CERK: variants seen among roughly 807,000 people sequenced by gnomAD.
CERK encodes ceramide kinase.
In CERK, 39 loss-of-function variants were observed where a neutral mutation model predicts 63.4. That is an observed-to-expected ratio of 0.61 (90% CI 0.48 to 0.80). CERK has a LOEUF of 0.80. Ranked by LOEUF, CERK falls within the 30% of genes least tolerant of loss-of-function variation. CERK has a pLI of 0.00. For synonymous variants in CERK, 302 were observed against 280.0 expected, an observed-to-expected ratio of 1.08 and a Z score of -0.78; for missense variants, 670 against 714.1, an observed-to-expected ratio of 0.94 and a Z score of 0.70.
At position 46,693,409 on chromosome 22, in the gene CERK, CTG is replaced by C. The variant is rs779324448; in HGVS notation, c.1126+16_1126+17del. On this transcript the variant is annotated intron_variant, in intron 10 of 12. Coordinates refer to ENST00000216264, the MANE Select transcript of CERK (RefSeq NM_022766.6). Reference sequence around the variant, plus strand: ...AGCACACACAGTGACAACACTGAGCCTGTGTTTTAGGAATTACCCGCAGCTTC... The same window carrying C: ...AGCACACACAGTGACAACACTGAGCCTGTTTTAGGAATTACCCGCAGCTTC... 12 of 1,610,368 alleles carry C rather than the reference CTG, an allele frequency of 7.5e-6. No homozygotes were observed. Among genetic ancestry groups the C allele is most frequent in the Middle Eastern group, 3.3e-4 (2 of 6,058 alleles).
At chr22:46,726,931 C>T (rs1301687644) in intron 1 of CERK, among the ~76,000 whole-genome samples, 2 of 152,222 alleles carry the variant, frequency 1.3e-5, no homozygotes, top group African/African-American at 2.4e-5. Flanking sequence ...GCCTCCGCTG[C>T]GGCTGCTGCT....
At chr22:46,725,106 G>C (rs1013237948) in intron 1 of CERK, among the ~76,000 whole-genome samples, 2 of 151,848 alleles carry the variant, frequency 1.3e-5, no homozygotes, top group African/African-American at 2.4e-5. Context: ...GTGTTAAGCT[G>C]AGGACTCCAC....
chr22:46,734,067 CAT>C (rs59207182), intron 1 of CERK, among the ~76,000 whole-genome samples: 61,630 of 145,250 alleles, frequency 0.42, 13,924 homozygotes, highest in East Asian at 0.52. Context: ...TACATACATA[CAT>C]ATATATATAT....
In CERK at chr22:46,738,090, C is replaced by T; in HGVS notation, c.59G>A (p.Arg20His). 5.4e-6 allele frequency: 7 copies of T among 1,289,826 alleles called. No homozygotes were observed. Among genetic ancestry groups the T allele is most frequent in the South Asian group, 1.9e-5 (1 of 53,808 alleles). 79.9% of individuals were successfully genotyped at this position (1,289,826 alleles called of 1,614,324 possible). Reference protein sequence around the residue: ...LQSVLWVKQQRCAVSLEPARA... With the variant: ...LQSVLWVKQQHCAVSLEPARA... ...CGCGGGCTCCAGGCTCACGGCGCAGCGCTGCTGCTTCACCCACAGCACGGA... is the reference window on the plus strand; with the variant it reads ...CGCGGGCTCCAGGCTCACGGCGCAGTGCTGCTGCTTCACCCACAGCACGGA... The change falls in exon 1 of 13, where the codon CGC (arginine) becomes CAC (histidine). Residue 20 changes from arginine (R) to histidine (H), a missense_variant. Transcript: ENST00000216264.
At chr22:46,721,599 C>G (rs764330717) in intron 1 of CERK, among the ~76,000 whole-genome samples, 1 of 152,144 alleles carries the variant, frequency 6.6e-6, no homozygotes, top group Admixed American at 6.6e-5. Flanking sequence ...GCAGCAAATG[C>G]GGACCATTCC....
chr22:46,718,671 CTG>C (rs1261920803), intron 3 of CERK, among the ~76,000 whole-genome samples: 4 of 152,188 alleles, frequency 2.6e-5, no homozygotes, highest in African/African-American at 9.7e-5. Flanking sequence ...TTTTAATAAA[CTG>C]AAATTCACTT....
Position 46,738,249 on chromosome 22 carries a change from C to CA in CERK, c.-102_-101insT. ...AGTGGCCCGGGCGGCGGGCGGCGGG[C>CA]GGCGGGAGGCGGCGCTGCGTCACCC... On this transcript the variant is annotated 5_prime_UTR_variant, in exon 1 of 13. Coordinates refer to ENST00000216264, the MANE Select transcript of CERK (RefSeq NM_022766.6). 1 of 718,814 alleles carries CA rather than the reference C, an allele frequency of 1.4e-6. No homozygotes were observed. 44.5% of individuals were successfully genotyped at this position (718,814 alleles called of 1,614,324 possible). A position where few individuals can be genotyped will look rare whatever the true frequency, so the allele number is the denominator to read the frequency against.
In CERK at chr22:46,730,420, C is replaced by CA. The variant is rs563330280; in HGVS notation, c.142+7586dup. Among the ~76,000 whole-genome samples the CA allele has an allele frequency of 7.0e-3, 1,021 of 145,390 alleles. 5 individuals are homozygous for CA. The highest frequency in any genetic ancestry group is 0.017 in the Middle Eastern group (5 of 292). On this transcript the variant is annotated intron_variant, in intron 1 of 12. Coordinates refer to ENST00000216264, the MANE Select transcript of CERK (RefSeq NM_022766.6). ...TGGGTAACAGAGTGACAGTCTATCTCAAAAAAAAAAGAAGTTTTCAGGAAA... is the reference window on the plus strand; with the variant it reads ...TGGGTAACAGAGTGACAGTCTATCTCAAAAAAAAAAAGAAGTTTTCAGGAAA...
chr22:46,724,794 C>T lies in CERK; in HGVS notation c.143-3779G>A, dbSNP rs188065786. 3.9e-3 allele frequency among the ~76,000 whole-genome samples: 588 copies of T among 152,084 alleles called. 2 individuals are homozygous for T. The highest frequency in any genetic ancestry group is 0.013 in the African/African-American group (537 of 41,476). On this transcript the variant is annotated intron_variant, in intron 1 of 12. Coordinates refer to ENST00000216264, the MANE Select transcript of CERK (RefSeq NM_022766.6). ...CTGCACTTTGGGAGGCTAAGGTGGG[C>T]GGATCACGAGGTCAGGAGATCGAGA...
chr22:46,726,194 G>A (rs9627548), intron 1 of CERK, among the ~76,000 whole-genome samples: 6,109 of 152,300 alleles, frequency 0.04, 414 homozygotes, highest in African/African-American at 0.14. Context: ...CGCAGCCGTC[G>A]GGAGGCCCCA....
At chr22:46,706,959 A>G (rs2082815841) in intron 6 of CERK, among the ~76,000 whole-genome samples, 1 of 152,160 alleles carries the variant, frequency 6.6e-6, no homozygotes, top group Non-Finnish European at 1.5e-5. Context: ...GTTAGAGTTG[A>G]GAGCGGCACC....
intron 6 of CERK, among the ~76,000 whole-genome samples, chr22:46,704,931 A>G (rs1319669409): frequency 6.6e-6 from 1 of 152,242 alleles, no homozygotes; most frequent in Non-Finnish European, 1.5e-5. Flanking sequence ...AAACAGCAAG[A>G]GGACCTGTGA....
intron 8 of CERK, among the ~76,000 whole-genome samples, chr22:46,696,133 G>A (rs1260944407): frequency 1.3e-5 from 2 of 152,212 alleles, no homozygotes; most frequent in Non-Finnish European, 2.9e-5. Context: ...CAAGCCCACA[G>A]CCAAGTGTGC....
At chr22:46,712,436 C>T in intron 3 of CERK, 143 bp from the exon 4 acceptor site, 1 of 761,872 alleles carries the variant, frequency 1.3e-6, no homozygotes, top group Non-Finnish European at 2.1e-6. Context: ...TCTTAAAGAA[C>T]AATGACAAAG....
chr22:46,689,928 C>T, intron 12 of CERK, 64 bp downstream of exon 12: 1 of 1,327,286 alleles, frequency 7.5e-7, no homozygotes. Flanking sequence ...GGTGGGGCAG[C>T]TTGTGACAGA....
intron 9 of CERK, among the ~76,000 whole-genome samples, chr22:46,694,108 A>G (rs987186673): frequency 8.5e-5 from 13 of 152,162 alleles, no homozygotes; most frequent in African/African-American, 3.1e-4. Context: ...ATGGTCTCCA[A>G]TTCTTCACTT....
intron 3 of CERK, among the ~76,000 whole-genome samples, chr22:46,716,316 G>A (rs1601723010): frequency 6.6e-6 from 1 of 151,228 alleles, no homozygotes; most frequent in East Asian, 2.0e-4. Flanking sequence ...TCAGCCTCTC[G>A]AGTAGCTGGG....
chr22:46,724,962 A>C (rs809651), intron 1 of CERK, among the ~76,000 whole-genome samples: 4,156 of 152,178 alleles, frequency 0.027, 171 homozygotes, highest in African/African-American at 0.094. Flanking sequence ...CGGGGCTTGC[A>C]GTGAGCCAAG....
At chr22:46,707,001 G>A (rs1209729488) in intron 6 of CERK, among the ~76,000 whole-genome samples, 2 of 152,116 alleles carry the variant, frequency 1.3e-5, no homozygotes, top group South Asian at 2.1e-4. Flanking sequence ...CCTGTCCCTC[G>A]TGAGGGCTAG....
Sources: gnomAD v4.1 joint callset for allele counts (sites outside exome capture counted in the v4.1 genomes callset) on GRCh38, gnomAD v4.1.1 for gene constraint, MANE v1.5 for transcripts, NCBI Gene and HGNC (gene_info 2026-07-23, HGNC 2026-07-21) for gene names.